The following USP49 variants were observed in gnomAD, a reference collection of about 807,000 sequenced individuals.
The protein encoded by USP49 is ubiquitin specific peptidase 49.
In USP49, 24 loss-of-function variants were observed where a neutral mutation model predicts 58.6. That is an observed-to-expected ratio of 0.41 (90% CI 0.30 to 0.58). USP49 has a LOEUF of 0.58. USP49 is among the 20% of genes least tolerant of loss of function. The pLI is 0.30. For synonymous variants in USP49, 408 were observed against 365.1 expected, an observed-to-expected ratio of 1.12 and a Z score of -1.34; for missense variants, 703 against 866.1, an observed-to-expected ratio of 0.81 and a Z score of 2.36.
chr6:41,805,958 C>T lies in USP49; in HGVS notation c.1026G>A (p.Leu342=). Residue 342 remains leucine (L), a synonymous_variant, in exon 4 of 8, where the codon CTG becomes CTA. Coordinates refer to ENST00000682992, the MANE Select transcript of USP49 (RefSeq NM_001286554.2). ...WNGRASISRS[L]ELIQNKEPSS... ...TCGGCTCCTTGTTCTGGATGAGCTC[C>T]AGACTCCGACTAATGGAGGCCCTGC... 1 of 1,613,896 alleles carries T rather than the reference C, an allele frequency of 6.2e-7. No individual in the cohort carries two copies. The highest frequency in any genetic ancestry group is 8.5e-7 in the Non-Finnish European group (1 of 1,180,030).
intron 3 of USP49, chr6:41,833,133 CAGCCT>C (rs1773665540): frequency 6.6e-6 from 1 of 151,970 alleles, no homozygotes; most frequent in Non-Finnish European, 1.5e-5. Context: ...TCTCCTGCCT[CAGCCT>C]CCCGAGTAGC....
rs768878126 is a variant in USP49 at position 41,815,420 on chromosome 6, C to CA, written c.-28-8410dup. ...TGGGCGACAGAGTGAGACTCCGTCT[C>CA]AAAAAAAAAAAAAGAGTGGGGGGCA... On this transcript the variant is annotated intron_variant, in intron 3 of 7. Coordinates refer to ENST00000682992, the MANE Select transcript of USP49 (RefSeq NM_001286554.2). Among the ~76,000 whole-genome samples the CA allele has an allele frequency of 7.2e-3, 813 of 113,494 alleles. 3 individuals are homozygous for CA. Among genetic ancestry groups the CA allele is most frequent in the African/African-American group, 9.5e-3 (291 of 30,554 alleles). The allele number at this position is 113,494 out of a possible 152,430, so 74.5% of individuals were successfully genotyped here.
At chr6:41,879,486 G>GA (rs1774565430) in intron 2 of USP49, among the ~76,000 whole-genome samples, 1 of 151,962 alleles carries the variant, frequency 6.6e-6, no homozygotes, top group African/African-American at 2.4e-5. Flanking sequence ...AGACAAACCA[G>GA]AAAAACTCAA....
Position 41,793,750 on chromosome 6 carries a change from G to A in USP49, c.*2783C>T, listed in dbSNP as rs1411084375. On this transcript the variant is annotated 3_prime_UTR_variant, in exon 8 of 8. Transcript: ENST00000682992. ...GAGGCAACCACAGATATGAGGGTCA[G>A]GCTAGATTGAGGTAAAAAAAAATCC... The A allele has an allele frequency of 6.6e-6, 1 of 152,202 alleles. No homozygotes were observed. The highest frequency in any genetic ancestry group is 2.4e-5 in the African/African-American group (1 of 41,442). The allele number at this position is 152,202 out of a possible 1,614,324, so 9.4% of individuals were successfully genotyped here. A position where few individuals can be genotyped will look rare whatever the true frequency, so the allele number is the denominator to read the frequency against.
intron 2 of USP49, among the ~76,000 whole-genome samples, chr6:41,876,441 G>C (rs1774506195): frequency 6.6e-6 from 1 of 151,864 alleles, no homozygotes; most frequent in African/African-American, 2.4e-5. Context: ...AATTAAGACA[G>C]AGCTTCGCTC....
intron 3 of USP49, among the ~76,000 whole-genome samples, chr6:41,824,028 G>A (rs750709668): frequency 1.1e-4 from 17 of 152,132 alleles, no homozygotes; most frequent in African/African-American, 3.4e-4. Flanking sequence ...TGTTCTGAGG[G>A]AGGCTCAAAT....
chr6:41,816,283 C>T (rs770569225), intron 3 of USP49, among the ~76,000 whole-genome samples: 3 of 152,192 alleles, frequency 2.0e-5, no homozygotes, highest in African/African-American at 4.8e-5. Context: ...CAATTCACTC[C>T]TTAACACCTC....
rs1348891824 is a variant in USP49, at chr6:41,792,973, C to G, written c.*3560G>C. The G allele has an allele frequency of 6.6e-6, 1 of 150,916 alleles. No individual in the cohort carries two copies. Among genetic ancestry groups the G allele is most frequent in the East Asian group, 2.0e-4 (1 of 5,114 alleles). The allele number at this position is 150,916 out of a possible 1,614,324, so 9.3% of individuals were successfully genotyped here. A position where few individuals can be genotyped will look rare whatever the true frequency, so the allele number is the denominator to read the frequency against. On this transcript the variant is annotated 3_prime_UTR_variant, in exon 8 of 8. Coordinates refer to ENST00000682992, the MANE Select transcript of USP49 (RefSeq NM_001286554.2). Reference sequence around the variant, plus strand: ...CCTCCCACCCACCACCCGCCATCCCCGACCAAGTTTTCATTCTGCACTACT... The same window carrying G: ...CCTCCCACCCACCACCCGCCATCCCGGACCAAGTTTTCATTCTGCACTACT...
chr6:41,835,721 G>C (rs2245685), intron 3 of USP49, among the ~76,000 whole-genome samples: 2 of 148,450 alleles, frequency 1.3e-5, no homozygotes, highest in Admixed American at 6.7e-5. Context: ...AAAAAAAACA[G>C]AAAAAAAAAC....
chr6:41,852,980 A>G (rs1582021913), intron 3 of USP49, among the ~76,000 whole-genome samples: 1 of 152,312 alleles, frequency 6.6e-6, no homozygotes, highest in East Asian at 1.9e-4. Context: ...ACCTGAGGTC[A>G]GGAGTTCGAA....
chr6:41,824,171 T>TTAC (rs1430270296), intron 3 of USP49, among the ~76,000 whole-genome samples: 1 of 152,180 alleles, frequency 6.6e-6, no homozygotes, highest in Non-Finnish European at 1.5e-5. Context: ...TTTCAGCATC[T>TTAC]TACAGTAACT....
At position 41,806,311 on chromosome 6, in the gene USP49, G is replaced by T; in HGVS notation, c.673C>A (p.Arg225Ser). ...TPRDAGPAAS[R>S]PAALPTSRRV... ...CGTGAGGTAGGGAGGGCGGCGGGGC[G>T]CGAGGCAGCCGGGCCCGCGTCGCGG... The change falls in exon 4 of 8, where the codon CGC (arginine) becomes AGC (serine). Residue 225 changes from arginine to serine, a missense_variant. Arg to Ser is a moderately radical substitution (Grantham distance 110, BLOSUM62 -1). Coordinates refer to ENST00000682992, the MANE Select transcript of USP49 (RefSeq NM_001286554.2). This position sits in a 1 kb window ranked among gnomAD's most constrained non-coding sequence, Gnocchi z 5.9. 1 of 1,574,130 alleles carries T rather than the reference G, an allele frequency of 6.4e-7. No individual in the cohort carries two copies. Among genetic ancestry groups the T allele is most frequent in the Non-Finnish European group, 8.6e-7 (1 of 1,166,756 alleles).
rs747955968 is a variant in USP49, at chr6:41,806,465, C to A, written c.519G>T (p.Arg173=). The change falls in exon 4 of 8, where the codon CGG becomes CGT. Residue 173 remains arginine (R), a synonymous_variant. Coordinates refer to ENST00000682992, the MANE Select transcript of USP49 (RefSeq NM_001286554.2). The surrounding 1 kb of genome is among the most constrained non-coding windows in gnomAD (Gnocchi z 5.9). The part of the protein sequence containing the change: ...SRGQAKLEQR[R]QEEALERKKE... ...TCTTGCGCTCCAGGGCCTCCTCCTG[C>A]CGCCGCTGCTCCAGCTTCGCCTGGC... The A allele has an allele frequency of 6.3e-7, 1 of 1,595,298 alleles. No individual in the cohort carries two copies. Among genetic ancestry groups the A allele is most frequent in the Non-Finnish European group, 8.5e-7 (1 of 1,178,138 alleles).
intron 3 of USP49, among the ~76,000 whole-genome samples, chr6:41,834,404 T>G (rs1303781558): frequency 6.6e-6 from 1 of 152,222 alleles, no homozygotes; most frequent in African/African-American, 2.4e-5. Flanking sequence ...GCCCAGACAC[T>G]ATTATCCCGA....
intron 7 of USP49, chr6:41,798,061 T>A (rs1041038625): frequency 6.5e-6 from 1 of 154,832 alleles, no homozygotes; most frequent in Non-Finnish European, 1.4e-5. Flanking sequence ...AGAGATGCAG[T>A]CTCGCTATGT....
rs9471680 is a variant in USP49, at chr6:41,856,400, T to G, written c.-29+15164A>C. ...AAAAAAAAAAAAAAACTTGTAATAT[T>G]AATAAGCTCCAACATTTCAGCGCTC... On this transcript the variant is annotated intron_variant, in intron 3 of 7. Coordinates refer to ENST00000682992, the MANE Select transcript of USP49 (RefSeq NM_001286554.2). Among the ~76,000 whole-genome samples the G allele has an allele frequency of 6.2e-3, 938 of 152,190 alleles. 8 individuals carry two copies. Among genetic ancestry groups the G allele is most frequent in the African/African-American group, 0.02 (818 of 41,536 alleles).
At position 41,796,164 on chromosome 6, in the gene USP49, G is replaced by A. The variant is rs532403823; in HGVS notation, c.*369C>T. 3 of 196,768 alleles carry A rather than the reference G, an allele frequency of 1.5e-5. No homozygotes were observed. The South Asian group carries it at 3.2e-4, about 21-fold the overall frequency. 12.2% of individuals were successfully genotyped at this position (196,768 alleles called of 1,614,324 possible). ...CGGAGGGTTCTTCTGGTGCTGCAAGGAGGTCCTGATTAGCAGGGGAATCAC... is the reference window on the plus strand; with the variant it reads ...CGGAGGGTTCTTCTGGTGCTGCAAGAAGGTCCTGATTAGCAGGGGAATCAC... On this transcript the variant is annotated 3_prime_UTR_variant, in exon 8 of 8. Transcript: ENST00000682992.
intron 2 of USP49, among the ~76,000 whole-genome samples, chr6:41,875,885 C>T (rs774522991): frequency 2.0e-5 from 3 of 152,114 alleles, no homozygotes; most frequent in Non-Finnish European, 4.4e-5. Flanking sequence ...GCACGCACCA[C>T]CACACCCGGC....
chr6:41,821,591 G>A (rs1446980046), intron 3 of USP49, among the ~76,000 whole-genome samples: 2 of 152,112 alleles, frequency 1.3e-5, no homozygotes, highest in Non-Finnish European at 2.9e-5. Context: ...TGGCTAACAT[G>A]GTGAAACCCT....
Sources: allele counts gnomAD v4.1 joint callset (sites outside exome capture counted in the v4.1 genomes callset), GRCh38; gene constraint gnomAD v4.1.1; non-coding constraint Gnocchi (gnomAD v3.1); transcripts MANE v1.5; gene names NCBI Gene and HGNC (gene_info 2026-07-23, HGNC 2026-07-21).